PALM2AKAP2: variants seen among roughly 807,000 people sequenced by gnomAD.
PALM2AKAP2 encodes the protein PALM2-AKAP2 fusion protein.
A neutral mutation model predicts 71.5 loss-of-function variants in PALM2AKAP2; 37 were observed. That is an observed-to-expected ratio of 0.52 (90% CI 0.40 to 0.68). The LOEUF is 0.68. Among genes scored for constraint, PALM2AKAP2 ranks in the 30% least tolerant of loss-of-function variants. The pLI, the probability that PALM2AKAP2 is intolerant of heterozygous loss-of-function variation, is 0.00. For synonymous variants in PALM2AKAP2, 468 were observed against 478.8 expected (o/e 0.98, Z 0.29); for missense variants, 1,224 against 1,191.8 (o/e 1.03, Z -0.40).
intron 1 of PALM2AKAP2, among the ~76,000 whole-genome samples, chr9:110,126,468 G>A (rs1296530091): frequency 1.3e-5 from 2 of 152,192 alleles, no homozygotes. Context: ...TCCCTCTGTG[G>A]CCTTGAGCTT....
intron 1 of PALM2AKAP2, among the ~76,000 whole-genome samples, chr9:109,854,319 A>C (rs1442594582): frequency 1.3e-5 from 2 of 152,246 alleles, no homozygotes; most frequent in African/African-American, 4.8e-5. Context: ...ATTCTGAATT[A>C]GGAAACATAT....
At chr9:109,769,606 G>A (rs1587901363) in intron 1 of PALM2AKAP2, among the ~76,000 whole-genome samples, 1 of 152,264 alleles carries the variant, frequency 6.6e-6, no homozygotes, top group East Asian at 1.9e-4. Flanking sequence ...ACCCAACAGT[G>A]GTTGGGGGGA....
At chr9:109,916,806 G>A (rs573777335) in intron 3 of PALM2AKAP2, among the ~76,000 whole-genome samples, 23 of 152,320 alleles carry the variant, frequency 1.5e-4, no homozygotes, top group African/African-American at 5.5e-4. Context: ...CTGGGACCCA[G>A]GCAATGTCTC....
chr9:110,012,282 G>A (rs1426115822), intron 6 of PALM2AKAP2, among the ~76,000 whole-genome samples: 1 of 152,058 alleles, frequency 6.6e-6, no homozygotes, highest in Non-Finnish European at 1.5e-5. Context: ...GACAGAGCGA[G>A]ACTCTGTCTC....
intron 1 of PALM2AKAP2, among the ~76,000 whole-genome samples, chr9:109,821,926 GA>G (rs1194773396): frequency 5.3e-5 from 8 of 152,186 alleles, no homozygotes; most frequent in Non-Finnish European, 1.0e-4. Context: ...TTTTTGTAAT[GA>G]AAAAAACAGT....
chr9:109,865,564 A>T (rs1829427305), intron 1 of PALM2AKAP2, among the ~76,000 whole-genome samples: 1 of 152,178 alleles, frequency 6.6e-6, no homozygotes, highest in Non-Finnish European at 1.5e-5. Flanking sequence ...CACCAATATG[A>T]TGATGGGCAA....
chr9:110,100,239 A>G (rs1217187093), intron 1 of PALM2AKAP2, among the ~76,000 whole-genome samples: 1 of 151,974 alleles, frequency 6.6e-6, no homozygotes, highest in Non-Finnish European at 1.5e-5. Context: ...TGGGCTTAGG[A>G]AAAGGTGAAG....
At chr9:110,064,670 A>G (rs143945532) in intron 1 of PALM2AKAP2, among the ~76,000 whole-genome samples, 120 of 152,280 alleles carry the variant, frequency 7.9e-4, no homozygotes, top group African/African-American at 2.8e-3. Context: ...CAGTTCCTTC[A>G]TTGTCCCACC....
intron 1 of PALM2AKAP2, among the ~76,000 whole-genome samples, chr9:109,668,242 G>A (rs1420445434): frequency 6.6e-6 from 1 of 152,038 alleles, no homozygotes; most frequent in Non-Finnish European, 1.5e-5. Flanking sequence ...GGCCGGCTTT[G>A]GTTTTAAAGT....
At chr9:109,687,472 A>C (rs1425735606) in intron 1 of PALM2AKAP2, among the ~76,000 whole-genome samples, 4 of 152,226 alleles carry the variant, frequency 2.6e-5, no homozygotes, top group Non-Finnish European at 5.9e-5. Flanking sequence ...TATGTTATGC[A>C]GAGAGCTTCT....
chr9:109,846,809 C>T (rs1338164684), intron 1 of PALM2AKAP2, among the ~76,000 whole-genome samples: 2 of 152,230 alleles, frequency 1.3e-5, no homozygotes, highest in East Asian at 3.8e-4. Context: ...TATTTCTTTG[C>T]CTTCCTTCTT....
intron 1 of PALM2AKAP2, among the ~76,000 whole-genome samples, chr9:109,851,209 C>CAAA (rs56938333): frequency 1.1e-4 from 16 of 144,998 alleles, no homozygotes; most frequent in South Asian, 6.6e-4. Flanking sequence ...ACAACAACAA[C>CAAA]AAAAAAAAAA....
At position 109,956,084 on chromosome 9, in the gene PALM2AKAP2, A is replaced by G. The variant is rs1003715464; in HGVS notation, c.496+24056A>G. On this transcript the variant is annotated intron_variant, in intron 6 of 9. Coordinates refer to the PALM2AKAP2 transcript ENST00000302798. ...CAGTGGCATGATCTCAGCCCACTGC[A>G]ACCTCCGCCTCCCAGGTTCAAGCGA... Among the ~76,000 whole-genome samples the G allele has an allele frequency of 6.9e-4, 103 of 148,478 alleles. 6 individuals carry two copies.
At chr9:110,083,317 G>GT (rs950528776) in intron 1 of PALM2AKAP2, among the ~76,000 whole-genome samples, 14 of 151,852 alleles carry the variant, frequency 9.2e-5, no homozygotes, top group African/African-American at 2.2e-4. Flanking sequence ...ACTTAGGGGA[G>GT]TTTTTTTTAA....
At chr9:109,838,989 G>T (rs1217711896) in intron 1 of PALM2AKAP2, among the ~76,000 whole-genome samples, 4 of 152,132 alleles carry the variant, frequency 2.6e-5, no homozygotes, top group Admixed American at 1.3e-4. Flanking sequence ...CTTCTGAAAC[G>T]ATTCCAATGA....
intron 1 of PALM2AKAP2, among the ~76,000 whole-genome samples, chr9:110,100,681 G>A (rs1254520506): frequency 3.3e-5 from 5 of 152,156 alleles, no homozygotes; most frequent in African/African-American, 1.2e-4. Flanking sequence ...AAGGCCAGCT[G>A]GGCTCTTTTG....
chr9:109,647,143 C>A (rs571381687), intron 1 of PALM2AKAP2, among the ~76,000 whole-genome samples: 1 of 152,090 alleles, frequency 6.6e-6, no homozygotes, highest in East Asian at 1.9e-4. Flanking sequence ...TTAAATATTT[C>A]TTTTACATAA....
intron 1 of PALM2AKAP2, among the ~76,000 whole-genome samples, chr9:110,132,239 G>A (rs1250549731): frequency 6.6e-6 from 1 of 152,134 alleles, no homozygotes; most frequent in Non-Finnish European, 1.5e-5. Context: ...ATTTTCAGTA[G>A]AGATGGGGTT....
chr9:109,687,560 T>C (rs1827822459), intron 1 of PALM2AKAP2, among the ~76,000 whole-genome samples: 1 of 152,208 alleles, frequency 6.6e-6, no homozygotes, highest in South Asian at 2.1e-4. Context: ...TCGGCCTTCA[T>C]AGAATTGAAG....
Sources: gnomAD v4.1 joint callset for allele counts (sites outside exome capture counted in the v4.1 genomes callset) on GRCh38, gnomAD v4.1.1 for gene constraint, MANE v1.5 for transcripts, NCBI Gene and HGNC (gene_info 2026-07-23, HGNC 2026-07-21) for gene names.